ZNF804B: variants seen among roughly 807,000 people sequenced by gnomAD.
ZNF804B encodes zinc finger 804B.
ZNF804B carries 80 observed loss-of-function variants against 101.4 expected under a neutral mutation model. The ratio of observed to expected loss-of-function variants is 0.79; its 90% CI spans 0.66 to 0.95. The LOEUF is 0.95. ZNF804B is among the 40% of genes least tolerant of loss of function. ZNF804B has a pLI of 0.00. For missense variants in ZNF804B, 1,673 were observed against 1,561.9 expected (o/e 1.07, Z -1.20); for synonymous variants, 622 against 558.8 (o/e 1.11, Z -1.59).
intron 1 of ZNF804B, among the ~76,000 whole-genome samples, chr7:88,954,561 C>CCG (rs937429559): frequency 6.6e-6 from 1 of 150,462 alleles, no homozygotes; most frequent in Non-Finnish European, 1.5e-5. Context: ...ACATGCCCCC[C>CCG]CCCCACCACG....
chr7:89,270,278 A>T (rs924590718), intron 2 of ZNF804B, among the ~76,000 whole-genome samples: 3 of 152,198 alleles, frequency 2.0e-5, no homozygotes, highest in Admixed American at 6.5e-5. Flanking sequence ...TCAGCTTCCT[A>T]CATATGGCTA....
chr7:88,960,192 AT>A (rs1793370068), intron 1 of ZNF804B, among the ~76,000 whole-genome samples: 1 of 151,402 alleles, frequency 6.6e-6, no homozygotes, highest in Admixed American at 6.6e-5. Flanking sequence ...TTCAAAATGT[AT>A]TTTAAAAATA....
intron 2 of ZNF804B, among the ~76,000 whole-genome samples, chr7:89,269,842 G>T (rs1442467241): frequency 6.6e-6 from 1 of 152,122 alleles, no homozygotes; most frequent in African/African-American, 2.4e-5. Flanking sequence ...TCATGTGTCT[G>T]TTGGCTGCCT....
chr7:89,079,617 A>T (rs1032851393), intron 1 of ZNF804B, among the ~76,000 whole-genome samples: 6 of 152,042 alleles, frequency 3.9e-5, no homozygotes, highest in Non-Finnish European at 7.4e-5. Flanking sequence ...AGGCATTAAA[A>T]AGGGTGAAAA....
rs1049485437 is a variant in ZNF804B at position 89,334,820 on chromosome 7, G to T, written c.1838G>T (p.Cys613Phe). The T allele has an allele frequency of 2.5e-6, 4 of 1,613,734 alleles. No individual in the cohort carries two copies. Among genetic ancestry groups the T allele is most frequent in the Admixed American group, 1.7e-5 (1 of 59,898 alleles). The change falls in exon 4 of 4, where the codon TGC (cysteine) becomes TTC (phenylalanine). Residue 613 changes from cysteine (C) to phenylalanine (F), a missense_variant. Physicochemically the swap from Cys to Phe is radical, Grantham distance 205. Coordinates refer to ENST00000333190, the MANE Select transcript of ZNF804B (RefSeq NM_181646.5). ...KEASRAHWQG[C>F]RKAVLNDIDE... ...GCTTCAAGGGCCCATTGGCAAGGCT[G>T]CAGAAAGGCAGTTCTAAATGATATA... is the stretch of plus-strand genomic sequence containing the variant.
Position 89,335,776 on chromosome 7 carries a change from G to T in ZNF804B, c.2794G>T (p.Val932Leu), listed in dbSNP as rs772580010. The T allele has an allele frequency of 2.0e-5, 32 of 1,614,076 alleles. No individual in the cohort carries two copies. Among genetic ancestry groups the T allele is most frequent in the Non-Finnish European group, 2.2e-5 (26 of 1,179,984 alleles). The change falls in exon 4 of 4, where the codon GTA becomes TTA. Residue 932 changes from valine to leucine, a missense_variant. Physicochemically the swap from Val to Leu is conservative, Grantham distance 32. Transcript: ENST00000333190. ...AACAGCAAAAATCCTTTTAGAAAGAGTACAAGCCAAGAAATGTCAAGAACA... is the reference window on the plus strand; with the variant it reads ...AACAGCAAAAATCCTTTTAGAAAGATTACAAGCCAAGAAATGTCAAGAACA... Reference protein sequence around the residue: ...PLTAKILLERVQAKKCQEQSS... With the variant: ...PLTAKILLERLQAKKCQEQSS...
chr7:89,335,171 G>T lies in ZNF804B; in HGVS notation c.2189G>T (p.Arg730Ile), dbSNP rs1791056066. The T allele has an allele frequency of 6.2e-7, 1 of 1,613,740 alleles. No individual in the cohort carries two copies. The highest frequency in any genetic ancestry group is 1.3e-5 in the African/African-American group (1 of 74,902). The change falls in exon 4 of 4, where the codon AGA becomes ATA. Residue 730 changes from arginine (R) to isoleucine (I), a missense_variant. Arg to Ile is a moderately conservative substitution (Grantham distance 97). Coordinates refer to ENST00000333190, the MANE Select transcript of ZNF804B (RefSeq NM_181646.5). ...TTGAGAAGTACTTGTTCAAGTCATA[G>T]ATTCAATGGTAATAGCAGAGGTAAT... ...SSLRSTCSSH[R>I]FNGNSRGNLL...
intron 1 of ZNF804B, among the ~76,000 whole-genome samples, chr7:89,207,417 G>A (rs1259973809): frequency 6.6e-6 from 1 of 152,078 alleles, no homozygotes; most frequent in Admixed American, 6.5e-5. Flanking sequence ...AAAACCATCA[G>A]ATCTCATGAG....
intron 1 of ZNF804B, among the ~76,000 whole-genome samples, chr7:88,857,406 T>G (rs879065599): frequency 6.6e-6 from 1 of 151,444 alleles, no homozygotes; most frequent in Non-Finnish European, 1.5e-5. Flanking sequence ...ATCAAATAGA[T>G]GCAATAAAAA....
intron 1 of ZNF804B, among the ~76,000 whole-genome samples, chr7:89,175,262 G>A (rs1440022007): frequency 1.3e-5 from 2 of 151,778 alleles, no homozygotes; most frequent in African/African-American, 4.8e-5. Flanking sequence ...CATATGATGA[G>A]CAATAGGGGC....
intron 2 of ZNF804B, among the ~76,000 whole-genome samples, chr7:89,273,167 T>A (rs1181627112): frequency 6.6e-6 from 1 of 152,034 alleles, no homozygotes; most frequent in Non-Finnish European, 1.5e-5. Flanking sequence ...GTTTTGAGGA[T>A]TTTTTACTAA....
intron 1 of ZNF804B, among the ~76,000 whole-genome samples, chr7:88,959,689 A>G (rs1409887393): frequency 2.0e-5 from 3 of 151,280 alleles, no homozygotes; most frequent in Non-Finnish European, 4.4e-5. Flanking sequence ...AGCTGCTCTC[A>G]TCTCCTCCCA....
chr7:89,277,489 CCCCT>C (rs1242098216), intron 2 of ZNF804B, among the ~76,000 whole-genome samples: 16 of 49,280 alleles, frequency 3.2e-4, no homozygotes, highest in South Asian at 1.0e-3. Context: ...TCCCCCCTCC[CCCCT>C]CCCCCCTACC....
chr7:89,194,521 T>C, intron 1 of ZNF804B, among the ~76,000 whole-genome samples: 1 of 149,960 alleles, frequency 6.7e-6, no homozygotes, highest in Non-Finnish European at 1.5e-5. Flanking sequence ...AGTTTCAGCT[T>C]TCTATATATG....
chr7:88,919,208 A>G (rs1364629010), intron 1 of ZNF804B, among the ~76,000 whole-genome samples: 2 of 152,174 alleles, frequency 1.3e-5, no homozygotes, highest in Admixed American at 6.6e-5. Context: ...TTATTCATGT[A>G]AACCATTGAT....
chr7:89,072,094 G>T (rs1046823907), intron 1 of ZNF804B, among the ~76,000 whole-genome samples: 2 of 152,142 alleles, frequency 1.3e-5, no homozygotes, highest in Non-Finnish European at 2.9e-5. Flanking sequence ...CTTCTCTGTA[G>T]GTACAGATGT....
intron 2 of ZNF804B, among the ~76,000 whole-genome samples, chr7:89,262,392 G>C (rs1789724179): frequency 1.3e-5 from 2 of 152,196 alleles, no homozygotes; most frequent in South Asian, 4.2e-4. Context: ...TTGAGCCTCA[G>C]GTCCAATTCC....
intron 1 of ZNF804B, among the ~76,000 whole-genome samples, chr7:89,217,795 G>A (rs368759058): frequency 4.9e-4 from 74 of 152,198 alleles, no homozygotes; most frequent in African/African-American, 1.7e-3. Context: ...AGATAGAATT[G>A]CATAGGACAC....
At chr7:89,130,061 A>C (rs1328810060) in intron 1 of ZNF804B, among the ~76,000 whole-genome samples, 1 of 151,940 alleles carries the variant, frequency 6.6e-6, no homozygotes, top group Non-Finnish European at 1.5e-5. Flanking sequence ...TGTAATATAT[A>C]TTCCCAGCTG....
Sources: allele counts gnomAD v4.1 joint callset (sites outside exome capture counted in the v4.1 genomes callset), GRCh38; gene constraint gnomAD v4.1.1; transcripts MANE v1.5; gene names NCBI Gene and HGNC (gene_info 2026-07-23, HGNC 2026-07-21).